The following IL22RA1 variants were observed in gnomAD, a reference collection of about 807,000 sequenced individuals.
IL22RA1 encodes interleukin-22 receptor subunit alpha-1.
Under a neutral mutation model 32.8 loss-of-function variants are expected in IL22RA1, and 25 were observed. That is an observed-to-expected ratio of 0.76 (90% CI 0.55 to 1.06). The LOEUF (loss-of-function observed/expected upper bound fraction) is 1.06, where lower values mean the gene tolerates loss of function less well. Among genes scored for constraint, IL22RA1 ranks in the 50% least tolerant of loss-of-function variants. The pLI is 0.00. For missense variants in IL22RA1, 709 were observed against 727.4 expected (o/e 0.97, Z 0.29); for synonymous variants, 305 against 305.0 (o/e 1.00, Z 0.00).
At position 24,121,188 on chromosome 1, in the gene IL22RA1, G is replaced by T; in HGVS notation, c.1342C>A (p.Gln448Lys). ...TCCATAGCCAAGGAGGTCACCTCCT[G>T]CAGAGAAAGGCCACCTAACATGCAG... is the stretch of plus-strand genomic sequence containing the variant. ...GSCMLGGLSL[Q>K]EVTSLAMEES... The change falls in exon 7 of 7, where the codon CAG becomes AAG. Residue 448 changes from glutamine to lysine, a missense_variant. Gln to Lys is a moderately conservative substitution (Grantham distance 53). Coordinates refer to ENST00000270800, the MANE Select transcript of IL22RA1 (RefSeq NM_021258.4). 1 of 1,614,214 alleles carries T rather than the reference G, an allele frequency of 6.2e-7. No homozygotes were observed. The highest frequency in any genetic ancestry group is 8.5e-7 in the Non-Finnish European group (1 of 1,180,030).
At chr1:24,125,060 T>C (rs926930051) in intron 5 of IL22RA1, among the ~76,000 whole-genome samples, 13 of 152,170 alleles carry the variant, frequency 8.5e-5, no homozygotes, top group Non-Finnish European at 1.6e-4. Flanking sequence ...ACAGATATGC[T>C]GAGCATCCTT....
chr1:24,123,774 C>T (rs1408184099), intron 5 of IL22RA1, among the ~76,000 whole-genome samples: 2 of 152,194 alleles, frequency 1.3e-5, no homozygotes, highest in Admixed American at 1.3e-4. Flanking sequence ...CCGCAGCGCA[C>T]TGCAGGCCCC....
At chr1:24,131,270 C>A (rs1053014797) in intron 4 of IL22RA1, among the ~76,000 whole-genome samples, 2 of 152,134 alleles carry the variant, frequency 1.3e-5, no homozygotes, top group Non-Finnish European at 2.9e-5. Context: ...GGTTTCACAA[C>A]TTTGTGAATA....
At chr1:24,129,471 C>T (rs183181762) in intron 4 of IL22RA1, among the ~76,000 whole-genome samples, 1 of 152,250 alleles carries the variant, frequency 6.6e-6, no homozygotes, top group Non-Finnish European at 1.5e-5. Flanking sequence ...ACCCCAAACC[C>T]AAATCTGCTT....
intron 3 of IL22RA1, chr1:24,134,895 C>A: frequency 1.1e-6 from 1 of 944,858 alleles, no homozygotes; most frequent in Non-Finnish European, 1.3e-6. Flanking sequence ...TGCTGGTTTA[C>A]AGACTCCTTT....
Position 24,134,197 on chromosome 1 carries a change from C to T in IL22RA1, c.531+14G>A. 6.3e-7 allele frequency: 1 copy of T among 1,598,034 alleles called. No homozygotes were observed. The highest frequency in any genetic ancestry group is 8.5e-7 in the Non-Finnish European group (1 of 1,172,056). ...TCCTAGGCAGAGAAAGACCAGGGTG[C>T]AACATACACTCACCATTTGGTAGGT... On this transcript the variant is annotated intron_variant, in intron 4 of 6. Transcript: ENST00000270800.
intron 5 of IL22RA1, among the ~76,000 whole-genome samples, chr1:24,126,364 G>A (rs1024671586): frequency 1.3e-5 from 2 of 152,170 alleles, no homozygotes; most frequent in Non-Finnish European, 2.9e-5. Context: ...ATGAGTTTCC[G>A]AACAAACCTG....
chr1:24,129,089 T>C (rs1644185379), intron 4 of IL22RA1, among the ~76,000 whole-genome samples: 1 of 152,210 alleles, frequency 6.6e-6, no homozygotes, highest in African/African-American at 2.4e-5. Flanking sequence ...ATTCTCGTTC[T>C]TCTGTGTATC....
At chr1:24,128,388 C>T (rs1644179608) in intron 4 of IL22RA1, 109 bp from the exon 5 acceptor site, 6 of 1,288,736 alleles carry the variant, frequency 4.7e-6, no homozygotes, top group Non-Finnish European at 6.7e-6. Context: ...GCTGATGGGT[C>T]TGTCTTCAGC....
rs533465451 is a variant in IL22RA1 at position 24,121,168 on chromosome 1, A to G, written c.1362T>C (p.Ala454=). ...GLSLQEVTSL[A]MEESQEAKSL... ...ATTTTGCTTCTTGGGATTCCTCCAT[A>G]GCCAAGGAGGTCACCTCCTGCAGAG... Residue 454 remains alanine, a synonymous_variant, in exon 7 of 7, where the codon GCT becomes GCC. Transcript: ENST00000270800. 5.0e-5 allele frequency: 81 copies of G among 1,614,062 alleles called. 1 individual carries two copies. In the South Asian group the frequency reaches 7.8e-4, roughly 16 times the overall value.
intron 6 of IL22RA1, among the ~76,000 whole-genome samples, chr1:24,122,798 A>C (rs1489414176): frequency 1.4e-5 from 2 of 139,954 alleles, no homozygotes; most frequent in Non-Finnish European, 3.1e-5. Flanking sequence ...ACTCCATCTC[A>C]AAAAAAAAAA....
Position 24,137,163 on chromosome 1 carries a change from T to G in IL22RA1, c.323A>C (p.Lys108Thr). ...CAGAGAGCTGAACCTGTCAGTCATC[T>G]TGGTGGCTGACCGGCCTCCCGCACT... ...AVSAGGRSATKMTDRFSSLQH... is the reference protein window; with the variant it reads ...AVSAGGRSATTMTDRFSSLQH... Residue 108 changes from lysine (K) to threonine (T), a missense_variant, in exon 3 of 7, where the codon AAG becomes ACG. Transcript: ENST00000270800. The G allele has an allele frequency of 1.2e-6, 2 of 1,614,000 alleles. No individual in the cohort carries two copies. Among genetic ancestry groups the G allele is most frequent in the Non-Finnish European group, 1.7e-6 (2 of 1,179,952 alleles).
rs780667433 is a variant in IL22RA1 at position 24,123,403 on chromosome 1, A to C, written c.691T>G (p.Phe231Val). 1.2e-6 allele frequency: 2 copies of C among 1,613,836 alleles called. No homozygotes were observed. Among genetic ancestry groups the C allele is most frequent in the Non-Finnish European group, 1.7e-6 (2 of 1,179,884 alleles). ...ATGGAGAACAGGAAGGCTCCGGAGA[A>C]GGAGTAGGTCCATGTCCGGTCTGGG... is the stretch of plus-strand genomic sequence containing the variant. ...TLPDRTWTYS[F>V]SGAFLFSMGF... Residue 231 changes from phenylalanine to valine, a missense_variant, in exon 6 of 7, where the codon TTC becomes GTC. By Grantham distance (50) the Phe-to-Val change is conservative. Transcript: ENST00000270800.
chr1:24,143,138 G>T lies in IL22RA1; in HGVS notation c.-56C>A. 1 of 1,559,322 alleles carries T rather than the reference G, an allele frequency of 6.4e-7. No individual in the cohort carries two copies. The highest frequency in any genetic ancestry group is 8.8e-7 in the Non-Finnish European group (1 of 1,140,540). ...CTACTCTGCCGTGCACAGAGAGAGG[G>T]CTGGGAGTCTTGGCGCCCTGGCAGC... is the stretch of plus-strand genomic sequence containing the variant. On this transcript the variant is annotated 5_prime_UTR_variant, in exon 1 of 7. Coordinates refer to ENST00000270800, the MANE Select transcript of IL22RA1 (RefSeq NM_021258.4).
At chr1:24,126,272 C>T (rs975329194) in intron 5 of IL22RA1, among the ~76,000 whole-genome samples, 2 of 152,242 alleles carry the variant, frequency 1.3e-5, no homozygotes, top group Non-Finnish European at 2.9e-5. Flanking sequence ...TTGGCTGTTC[C>T]GTGAGGCATA....
rs1220362580 is a variant in IL22RA1 at position 24,121,302 on chromosome 1, A to G, written c.1228T>C (p.Ser410Pro). The G allele has an allele frequency of 1.2e-6, 2 of 1,613,660 alleles. No homozygotes were observed. Among genetic ancestry groups the G allele is most frequent in the Non-Finnish European group, 8.5e-7 (1 of 1,179,764 alleles). The change falls in exon 7 of 7, where the codon TCT becomes CCT. Residue 410 changes from serine to proline, a missense_variant. Coordinates refer to ENST00000270800, the MANE Select transcript of IL22RA1 (RefSeq NM_021258.4). ...GTCCCAGTGGGGGAGTCTTTGCCAG[A>G]ACCTTCCATGCATACCCCATAGGAG... Reference protein sequence around the residue: ...PPSYGVCMEGSGKDSPTGTLS... With the variant: ...PPSYGVCMEGPGKDSPTGTLS...
rs764141100 is a variant in IL22RA1, at chr1:24,128,169, G to T, written c.642C>A (p.Pro214=). 1 of 1,577,452 alleles carries T rather than the reference G, an allele frequency of 6.3e-7. No homozygotes were observed. The highest frequency in any genetic ancestry group is 1.2e-5 in the South Asian group (1 of 85,958). ...GCAGTGTCTTCACTCGGCACATGTA[G>T]GGGGCACTCTCCTTGGCCCAGGTGG... ...CVPTWAKESA[P]YMCRVKTLPD... Residue 214 remains proline, a synonymous_variant, in exon 5 of 7, where the codon CCC becomes CCA. Transcript: ENST00000270800.
chr1:24,128,635 A>G (rs1344163271), intron 4 of IL22RA1, among the ~76,000 whole-genome samples: 2 of 151,504 alleles, frequency 1.3e-5, no homozygotes, highest in Non-Finnish European at 2.9e-5. Context: ...CCTTCTTCCA[A>G]TTCCTCTTGT....
At chr1:24,142,985 G>T in intron 1 of IL22RA1, 55 bp downstream of exon 1, 2 of 1,539,462 alleles carry the variant, frequency 1.3e-6, no homozygotes, top group Non-Finnish European at 1.8e-6. Context: ...AGATGACCCT[G>T]ATCGTTGGCC....
Sources: allele counts gnomAD v4.1 joint callset (sites outside exome capture counted in the v4.1 genomes callset), GRCh38; gene constraint gnomAD v4.1.1; transcripts MANE v1.5; gene names NCBI Gene and HGNC (gene_info 2026-07-23, HGNC 2026-07-21).